WDR41: variants seen among roughly 807,000 people sequenced by gnomAD.
The protein encoded by WDR41 is WD repeat-containing protein 41.
In WDR41, 63 loss-of-function variants were observed where a neutral mutation model predicts 69.3. That is an observed-to-expected ratio of 0.91 (90% CI 0.74 to 1.12). WDR41 has a LOEUF of 1.12. Ranked by LOEUF, WDR41 falls within the 50% of genes most tolerant of loss-of-function variation. The probability of loss-of-function intolerance (pLI) is 0.00; values close to 1 mark genes in which losing one functional copy is unlikely to be tolerated. For missense variants in WDR41, 543 were observed against 534.5 expected (o/e 1.02, Z -0.16); for synonymous variants, 185 against 192.1 (o/e 0.96, Z 0.31).
chr5:77,491,922 A>C (rs1283563889), intron 1 of WDR41: 2 of 518,982 alleles, frequency 3.9e-6, no homozygotes, highest in African/African-American at 2.0e-5. Flanking sequence ...CTCACGATTC[A>C]GCTAGCCGTG....
intron 12 of WDR41, among the ~76,000 whole-genome samples, 164 bp downstream of exon 12, chr5:77,436,097 C>A (rs1022480060): frequency 6.9e-6 from 1 of 144,744 alleles, no homozygotes; most frequent in East Asian, 1.9e-4. Context: ...GAAAGGGAGA[C>A]CCTAACTGCA....
intron 1 of WDR41, among the ~76,000 whole-genome samples, chr5:77,598,869 T>C (rs1034989184): frequency 1.1e-4 from 17 of 152,022 alleles, no homozygotes; most frequent in Non-Finnish European, 2.5e-4. Context: ...AAGCCACAAG[T>C]CAAGGAAGCC....
chr5:77,604,911 C>T (rs562364644), intron 1 of WDR41, among the ~76,000 whole-genome samples: 1 of 150,500 alleles, frequency 6.6e-6, no homozygotes, highest in Non-Finnish European at 1.5e-5. Flanking sequence ...ACCATTTGTG[C>T]ACTAAAAGGG....
chr5:77,520,917 G>A (rs1196007997), intron 1 of WDR41, among the ~76,000 whole-genome samples: 3 of 152,164 alleles, frequency 2.0e-5, no homozygotes, highest in Admixed American at 6.5e-5. Flanking sequence ...GCCGTCATAA[G>A]TATCTGAAAA....
At chr5:77,516,422 T>G (rs186207838) in intron 1 of WDR41, among the ~76,000 whole-genome samples, 22 of 152,342 alleles carry the variant, frequency 1.4e-4, no homozygotes, top group Admixed American at 9.1e-4. Context: ...AATCAATAAA[T>G]GAATCTGCAT....
intron 2 of WDR41, among the ~76,000 whole-genome samples, chr5:77,479,818 C>G (rs1004676469): frequency 2.6e-4 from 40 of 151,898 alleles, no homozygotes; most frequent in African/African-American, 9.7e-4. Flanking sequence ...CCAAAATTGA[C>G]AAATGGGATC....
At chr5:77,514,218 C>G (rs1464253057) in intron 1 of WDR41, among the ~76,000 whole-genome samples, 1 of 152,016 alleles carries the variant, frequency 6.6e-6, no homozygotes, top group Non-Finnish European at 1.5e-5. Context: ...TTTCTGTACA[C>G]CTACATCCGC....
At chr5:77,583,750 A>T (rs1186379781) in intron 1 of WDR41, among the ~76,000 whole-genome samples, 1 of 152,124 alleles carries the variant, frequency 6.6e-6, no homozygotes, top group Non-Finnish European at 1.5e-5. Context: ...CTCTCTCCCA[A>T]CTCATTTTAT....
intron 1 of WDR41, among the ~76,000 whole-genome samples, chr5:77,523,523 C>G (rs1159638537): frequency 6.6e-6 from 1 of 151,624 alleles, no homozygotes; most frequent in Non-Finnish European, 1.5e-5. Context: ...TGATTACCTA[C>G]TATATTCAGT....
chr5:77,474,756 T>C (rs1011095448), intron 2 of WDR41, among the ~76,000 whole-genome samples: 1 of 152,166 alleles, frequency 6.6e-6, no homozygotes, highest in African/African-American at 2.4e-5. Context: ...GTTCTTCCCT[T>C]CCCAAATCAC....
At position 77,565,518 on chromosome 5, in the gene WDR41, A is replaced by G. The variant is rs375736379; in HGVS notation, c.42+54961T>C. On this transcript the variant is annotated intron_variant, in intron 1 of 5. Transcript: ENST00000509971. The stretch of plus-strand genomic sequence containing the variant: ...TGAGGTCATGAGGCCCTGGACTGCA[A>G]TCATGGCAATGAGAGTAGAAAGGAC... Among the ~76,000 whole-genome samples, 30 of 152,264 alleles carry G rather than the reference A, an allele frequency of 2.0e-4. No homozygotes were observed. The East Asian group carries it at 5.6e-3, about 28-fold the overall frequency.
Position 77,489,573 on chromosome 5 carries a change from C to G in WDR41, c.52-1G>C. On this transcript the variant is annotated splice_acceptor_variant, in intron 1 of 12. Transcript: ENST00000296679. LOFTEE classifies it high-confidence loss of function. ...CACCTATTGTCTGTAAAGGAGATTT[C>G]TTGTATTGAAAAAAAAAAAAAAGCA... The G allele has an allele frequency of 8.4e-7, 1 of 1,184,016 alleles. No homozygotes were observed. Among genetic ancestry groups the G allele is most frequent in the Non-Finnish European group, 1.2e-6 (1 of 858,926 alleles). 73.3% of individuals were successfully genotyped at this position (1,184,016 alleles called of 1,614,324 possible).
chr5:77,437,254 T>C, intron 11 of WDR41, 82 bp downstream of exon 11: 1 of 1,128,768 alleles, frequency 8.9e-7, no homozygotes, highest in Admixed American at 1.7e-5. Flanking sequence ...ATTTTAGTGG[T>C]TTCACATAAT....
Position 77,440,821 on chromosome 5 carries a change from C to A in WDR41, c.874G>T (p.Asp292Tyr). 1 of 1,614,022 alleles carries A rather than the reference C, an allele frequency of 6.2e-7. No homozygotes were observed. The highest frequency in any genetic ancestry group is 8.5e-7 in the Non-Finnish European group (1 of 1,179,988). The change falls in exon 9 of 13, where the codon GAT becomes TAT. Residue 292 changes from aspartate to tyrosine, a missense_variant. Coordinates refer to ENST00000296679, the MANE Select transcript of WDR41 (RefSeq NM_018268.4). ...GTGTATACATTTTTTACCTCTTCAT[C>A]ACATGTGAAATGATGAATAGAAATG... The part of the protein sequence containing the change: ...NDISIHHFTC[D>Y]EENVFAAVGR...
At chr5:77,596,405 C>T (rs1483169704) in intron 1 of WDR41, among the ~76,000 whole-genome samples, 1 of 152,150 alleles carries the variant, frequency 6.6e-6, no homozygotes, top group African/African-American at 2.4e-5. Flanking sequence ...GCTGGGATTA[C>T]AGGCATGAGC....
At chr5:77,466,774 C>A (rs886427799) in intron 2 of WDR41, among the ~76,000 whole-genome samples, 1 of 150,694 alleles carries the variant, frequency 6.6e-6, no homozygotes, top group Non-Finnish European at 1.5e-5. Flanking sequence ...ATTATTCAGG[C>A]CTTCTATTCT....
chr5:77,491,183 A>G, intron 1 of WDR41: 1 of 408,942 alleles, frequency 2.4e-6, no homozygotes. Context: ...GCCTTAAGTG[A>G]TGACATTACC....
At chr5:77,501,247 C>T (rs1193748206) in intron 1 of WDR41, among the ~76,000 whole-genome samples, 1 of 152,256 alleles carries the variant, frequency 6.6e-6, no homozygotes, top group Non-Finnish European at 1.5e-5. Context: ...TCAGCGGGCC[C>T]CACACCCACA....
chr5:77,589,531 T>G (rs532459845), intron 1 of WDR41, among the ~76,000 whole-genome samples: 2 of 152,336 alleles, frequency 1.3e-5, no homozygotes, highest in Non-Finnish European at 1.5e-5. Flanking sequence ...TCTTCCCATT[T>G]ATTTATGTCT....
Sources: gnomAD v4.1 joint callset for allele counts (sites outside exome capture counted in the v4.1 genomes callset) on GRCh38, gnomAD v4.1.1 for gene constraint, MANE v1.5 for transcripts, NCBI Gene and HGNC (gene_info 2026-07-23, HGNC 2026-07-21) for gene names.